CLPB: variants seen among roughly 807,000 people sequenced by gnomAD.
CLPB encodes mitochondrial disaggregase.
Under a neutral mutation model 78.4 loss-of-function variants are expected in CLPB, and 40 were observed. The observed-to-expected ratio is 0.51, with a 90% CI of 0.40 to 0.66. The LOEUF is 0.66. Ranked by LOEUF, CLPB falls within the 30% of genes least tolerant of loss-of-function variation. The pLI, the probability that CLPB is intolerant of heterozygous loss-of-function variation, is 0.00. For missense variants in CLPB, 780 were observed against 886.9 expected, an observed-to-expected ratio of 0.88 and a Z score of 1.53; for synonymous variants, 333 against 348.0, an observed-to-expected ratio of 0.96 and a Z score of 0.48.
intron 5 of CLPB, among the ~76,000 whole-genome samples, 172 bp downstream of exon 5, chr11:72,358,708 C>T (rs1565459554): frequency 6.6e-6 from 1 of 152,144 alleles, no homozygotes; most frequent in African/African-American, 2.4e-5. Flanking sequence ...CTCGAGGCAT[C>T]TCTAGCTCTA....
At chr11:72,391,893 T>C (rs1855263630) in intron 3 of CLPB, among the ~76,000 whole-genome samples, 1 of 152,202 alleles carries the variant, frequency 6.6e-6, no homozygotes, top group African/African-American at 2.4e-5. Flanking sequence ...TGGCTCACAC[T>C]GACCTTGATG....
At chr11:72,427,555 T>G (rs1335118626) in intron 2 of CLPB, among the ~76,000 whole-genome samples, 4 of 152,204 alleles carry the variant, frequency 2.6e-5, no homozygotes, top group Non-Finnish European at 5.9e-5. Flanking sequence ...CTCAACATCA[T>G]AGTGCAACAA....
chr11:72,430,215 G>A (rs773856855), intron 2 of CLPB, 97 bp downstream of exon 2: 3 of 1,161,964 alleles, frequency 2.6e-6, no homozygotes, highest in Non-Finnish European at 2.5e-6. Context: ...CCAGCTTAGG[G>A]TAAGGATTTC....
intron 5 of CLPB, 80 bp downstream of exon 5, chr11:72,358,800 A>AG: frequency 2.3e-5 from 2 of 88,290 alleles, no homozygotes; most frequent in Non-Finnish European, 4.5e-5. Flanking sequence ...GCCAAGCCCC[A>AG]TCCCACCCCT....
Position 72,366,044 on chromosome 11 carries a change from A to G in CLPB, c.647-7036T>C, listed in dbSNP as rs145621302. Among the ~76,000 whole-genome samples the G allele has an allele frequency of 3.9e-4, 60 of 152,366 alleles. No individual in the cohort carries two copies. In the East Asian group the frequency reaches 0.01, roughly 26 times the overall value. On this transcript the variant is annotated intron_variant, in intron 4 of 15. Transcript: ENST00000538039. ...CCTCAAAAGCAACTATGACAAAAAC[A>G]AAAATTGACAAATGGGGCCTAATTA...
chr11:72,344,315 C>T (rs1214056283), intron 5 of CLPB, among the ~76,000 whole-genome samples: 1 of 152,048 alleles, frequency 6.6e-6, no homozygotes, highest in Non-Finnish European at 1.5e-5. Flanking sequence ...CTCAAGCAAT[C>T]CTCCCCACTC....
intron 4 of CLPB, 61 bp downstream of exon 4, chr11:72,380,220 C>T: frequency 2.3e-6 from 3 of 1,286,644 alleles, no homozygotes; most frequent in Non-Finnish European, 3.4e-6. Flanking sequence ...CACCACAGAG[C>T]AAGGCTGCAT....
chr11:72,316,209 G>A (rs1367040474), intron 7 of CLPB, among the ~76,000 whole-genome samples: 1 of 152,174 alleles, frequency 6.6e-6, no homozygotes, highest in East Asian at 1.9e-4. Flanking sequence ...ATCACCTGAA[G>A]GGCCTGTTAA....
At chr11:72,373,350 C>A (rs1951079646) in intron 4 of CLPB, among the ~76,000 whole-genome samples, 1 of 152,204 alleles carries the variant, frequency 6.6e-6, no homozygotes, top group South Asian at 2.1e-4. Flanking sequence ...CCAGCGGCAA[C>A]CCCGGCTGGG....
At chr11:72,314,845 A>G (rs1341588977) in intron 7 of CLPB, among the ~76,000 whole-genome samples, 1 of 152,140 alleles carries the variant, frequency 6.6e-6, no homozygotes, top group Non-Finnish European at 1.5e-5. Flanking sequence ...GAGGCAGGCC[A>G]TTGTGGCTGG....
intron 3 of CLPB, among the ~76,000 whole-genome samples, chr11:72,382,997 T>C (rs1355022984): frequency 6.6e-6 from 1 of 151,316 alleles, no homozygotes. Flanking sequence ...CCCAAACAAA[T>C]TTAAGAGATT....
At chr11:72,360,341 C>T (rs1036069013) in intron 4 of CLPB, among the ~76,000 whole-genome samples, 1 of 152,160 alleles carries the variant, frequency 6.6e-6, no homozygotes, top group Non-Finnish European at 1.5e-5. Context: ...ATTCCTAAAC[C>T]ATTCTTTTTC....
intron 5 of CLPB, among the ~76,000 whole-genome samples, chr11:72,348,352 A>T (rs1950552480): frequency 6.6e-6 from 1 of 152,158 alleles, no homozygotes; most frequent in African/African-American, 2.4e-5. Flanking sequence ...GGACTACAAA[A>T]ATAAGTACAA....
At chr11:72,340,867 T>C (rs1950407763) in intron 5 of CLPB, among the ~76,000 whole-genome samples, 1 of 152,244 alleles carries the variant, frequency 6.6e-6, no homozygotes, top group Non-Finnish European at 1.5e-5. Context: ...TTATTATTTT[T>C]TGAGCTGGAG....
rs117665755 is a variant in CLPB at position 72,303,409 on chromosome 11, T to C, written c.1123-1061A>G. On this transcript the variant is annotated intron_variant, in intron 9 of 15. Transcript: ENST00000538039. ...TACTTTTAGTTCTTTCTCTGTCCTG[T>C]CATTCTACAGCTGAGACACAGGGTG... 6.8e-3 allele frequency among the ~76,000 whole-genome samples: 1,035 copies of C among 152,346 alleles called. 5 individuals carry two copies. Among genetic ancestry groups the C allele is most frequent in the African/African-American group, 0.01 (434 of 41,576 alleles).
rs930856336 is a variant in CLPB, at chr11:72,286,111, A to G, written c.*7256T>C. 1.2e-4 allele frequency: 18 copies of G among 150,772 alleles called. No individual in the cohort carries two copies. The highest frequency in any genetic ancestry group is 2.9e-5 in the Non-Finnish European group (2 of 67,838). The allele number at this position is 150,772 out of a possible 1,614,324, so 9.3% of individuals were successfully genotyped here. A position where few individuals can be genotyped will look rare whatever the true frequency, so the allele number is the denominator to read the frequency against. On this transcript the variant is annotated 3_prime_UTR_variant, in exon 16 of 16. Transcript: ENST00000538039. Reference sequence around the variant, plus strand: ...CACAACCAGCTAATTTTTTGCAGAGATGGGGTTTCACCATGTTGCTCAGGC... The same window carrying G: ...CACAACCAGCTAATTTTTTGCAGAGGTGGGGTTTCACCATGTTGCTCAGGC...
chr11:72,392,671 T>C (rs575435264), intron 3 of CLPB, among the ~76,000 whole-genome samples: 1 of 152,328 alleles, frequency 6.6e-6, no homozygotes, highest in African/African-American at 2.4e-5. Context: ...CACTTTATAT[T>C]CACTATTTCA....
intron 4 of CLPB, among the ~76,000 whole-genome samples, chr11:72,367,424 A>C (rs1950964557): frequency 6.6e-6 from 1 of 152,198 alleles, no homozygotes; most frequent in South Asian, 2.1e-4. Context: ...TTGGCCTACC[A>C]AAGTGCTGGG....
intron 2 of CLPB, among the ~76,000 whole-genome samples, chr11:72,412,995 A>C (rs1458357053): frequency 6.6e-6 from 1 of 152,168 alleles, no homozygotes; most frequent in African/African-American, 2.4e-5. Flanking sequence ...ACACCCCTTC[A>C]AACAGCCTTC....
Sources: gnomAD v4.1 joint callset for allele counts (sites outside exome capture counted in the v4.1 genomes callset) on GRCh38, gnomAD v4.1.1 for gene constraint, MANE v1.5 for transcripts, NCBI Gene and HGNC (gene_info 2026-07-23, HGNC 2026-07-21) for gene names.